The following ZBTB20 variants were observed in gnomAD, a reference collection of about 807,000 sequenced individuals.
ZBTB20 encodes zinc finger and BTB domain containing 20.
ZBTB20 carries 9 observed loss-of-function variants against 56.9 expected under a neutral mutation model. The ratio of observed to expected loss-of-function variants is 0.16; its 90% CI spans 0.10 to 0.28. The LOEUF is 0.28. Among genes scored for constraint, ZBTB20 ranks in the 10% least tolerant of loss-of-function variants. The pLI is 1.00. For missense variants in ZBTB20, 655 were observed against 1,003.0 expected (o/e 0.65, Z 4.69); for synonymous variants, 417 against 420.7 (o/e 0.99, Z 0.11).
intron 4 of ZBTB20, chr3:114,874,187 A>T (rs1019407029): frequency 1.3e-5 from 2 of 152,210 alleles, no homozygotes; most frequent in Non-Finnish European, 2.9e-5. Context: ...AATAACGTAT[A>T]CATTTGCTTA....
At chr3:114,763,310 A>G (rs1434518160) in intron 5 of ZBTB20, among the ~76,000 whole-genome samples, 1 of 152,232 alleles carries the variant, frequency 6.6e-6, no homozygotes, top group Non-Finnish European at 1.5e-5. Context: ...TCAGAAAACT[A>G]GTCATGGCTA....
In ZBTB20 at chr3:114,866,997, C is replaced by G. The variant is rs118153197; in HGVS notation, c.-417+33307G>C. ...GTTCCAATTCTCTGGAAACATAGTA[C>G]ATAGTTTCTGACACCCAGAAATAGT... is the stretch of plus-strand genomic sequence containing the variant. On this transcript the variant is annotated intron_variant, in intron 4 of 11. Coordinates refer to ENST00000675478, the MANE Select transcript of ZBTB20 (RefSeq NM_001348800.3). 2.6e-5 allele frequency among the ~76,000 whole-genome samples: 4 copies of G among 152,246 alleles called. No homozygotes were observed. The East Asian group carries it at 7.7e-4, about 29-fold the overall frequency.
chr3:114,698,616 T>C (rs1203200609), intron 5 of ZBTB20, among the ~76,000 whole-genome samples: 1 of 152,118 alleles, frequency 6.6e-6, no homozygotes, highest in Non-Finnish European at 1.5e-5. Context: ...AGAAGTTCTC[T>C]TTAGTAATCA....
intron 2 of ZBTB20, among the ~76,000 whole-genome samples, chr3:114,995,079 CATGAA>C (rs2078971234): frequency 6.6e-6 from 1 of 151,834 alleles, no homozygotes; most frequent in South Asian, 2.1e-4. Flanking sequence ...GCATGTGCTG[CATGAA>C]ATGAAATGAA....
intron 5 of ZBTB20, among the ~76,000 whole-genome samples, chr3:114,788,957 G>A (rs1465897964): frequency 1.3e-5 from 2 of 152,048 alleles, no homozygotes; most frequent in African/African-American, 4.8e-5. Flanking sequence ...TCACTATCAT[G>A]AGAACAGCAC....
intron 5 of ZBTB20, among the ~76,000 whole-genome samples, chr3:114,707,455 G>C (rs1041616532): frequency 5.3e-5 from 8 of 152,146 alleles, no homozygotes; most frequent in Admixed American, 2.0e-4. Context: ...GGAAGGCCCA[G>C]GTACACTGGC....
chr3:114,723,650 T>C (rs569431686), intron 5 of ZBTB20, among the ~76,000 whole-genome samples: 2 of 152,212 alleles, frequency 1.3e-5, no homozygotes, highest in South Asian at 2.1e-4. Context: ...AGATTTTATA[T>C]ATTCTTGAAC....
intron 2 of ZBTB20, among the ~76,000 whole-genome samples, chr3:115,022,407 C>T (rs745778022): frequency 2.0e-5 from 3 of 150,956 alleles, no homozygotes; most frequent in Non-Finnish European, 4.5e-5. Flanking sequence ...CTAAATATTG[C>T]ACAATGTGCG....
intron 6 of ZBTB20, among the ~76,000 whole-genome samples, chr3:114,510,912 C>G (rs2045292232): frequency 6.6e-6 from 1 of 151,852 alleles, no homozygotes; most frequent in Non-Finnish European, 1.5e-5. Flanking sequence ...TTTGAAGGAA[C>G]AGACTCATGT....
chr3:114,756,761 T>C (rs1019071530), intron 5 of ZBTB20, among the ~76,000 whole-genome samples: 2 of 152,160 alleles, frequency 1.3e-5, no homozygotes, highest in African/African-American at 2.4e-5. Flanking sequence ...CTAGTAAAAC[T>C]CAGGTAATGT....
intron 1 of ZBTB20, among the ~76,000 whole-genome samples, chr3:115,071,655 T>C (rs986126706): frequency 6.6e-6 from 1 of 152,158 alleles, no homozygotes; most frequent in Non-Finnish European, 1.5e-5. Flanking sequence ...AGTGCTTTAA[T>C]TGGATTCCTT....
chr3:115,145,707 T>C (rs1417453128), intron 1 of ZBTB20, among the ~76,000 whole-genome samples: 1 of 152,176 alleles, frequency 6.6e-6, no homozygotes, highest in East Asian at 1.9e-4. Context: ...GGGGGATCTA[T>C]ATAAATATTT....
intron 4 of ZBTB20, among the ~76,000 whole-genome samples, chr3:114,845,691 C>T (rs2074665450): frequency 6.6e-6 from 1 of 152,102 alleles, no homozygotes; most frequent in Non-Finnish European, 1.5e-5. Context: ...ATTAATTTTT[C>T]TAATAGGTCA....
At chr3:114,805,598 A>G (rs582653) in intron 4 of ZBTB20, among the ~76,000 whole-genome samples, 149,093 of 151,864 alleles carry the variant, frequency 0.98, 73,259 homozygotes, top group East Asian at 1. Flanking sequence ...GTTTTAATAA[A>G]CATAACAGTT....
chr3:114,673,938 C>T (rs2061495652), intron 6 of ZBTB20, among the ~76,000 whole-genome samples: 1 of 152,134 alleles, frequency 6.6e-6, no homozygotes, highest in African/African-American at 2.4e-5. Flanking sequence ...CCCACATACA[C>T]ACCCTAAGAA....
intron 7 of ZBTB20, among the ~76,000 whole-genome samples, chr3:114,451,588 A>G (rs1189496171): frequency 1.3e-5 from 2 of 152,102 alleles, no homozygotes; most frequent in African/African-American, 2.4e-5. Flanking sequence ...ACACATATGC[A>G]TGTGCGCACA....
At position 115,072,257 on chromosome 3, in the gene ZBTB20, G is replaced by T. The variant is rs140151683; in HGVS notation, c.-702-843C>A. Among the ~76,000 whole-genome samples, 162 of 152,214 alleles carry T rather than the reference G, an allele frequency of 1.1e-3. 1 individual carries two copies. Among genetic ancestry groups the T allele is most frequent in the African/African-American group, 3.7e-3 (153 of 41,544 alleles). On this transcript the variant is annotated intron_variant, in intron 1 of 11. Transcript: ENST00000675478. Reference sequence around the variant, plus strand: ...AGTTGAAGCTCTATATCACCCCAGAGTTTAAAACTGTATGGAAGAATAGGT... The same window carrying T: ...AGTTGAAGCTCTATATCACCCCAGATTTTAAAACTGTATGGAAGAATAGGT...
intron 6 of ZBTB20, among the ~76,000 whole-genome samples, chr3:114,611,412 C>T (rs2057541397): frequency 2.0e-5 from 3 of 152,148 alleles, no homozygotes; most frequent in Admixed American, 2.0e-4. Context: ...TGAGTTTATG[C>T]TCAAGCTGTC....
intron 4 of ZBTB20, among the ~76,000 whole-genome samples, chr3:114,842,461 T>C (rs2074423586): frequency 1.3e-5 from 2 of 152,168 alleles, no homozygotes; most frequent in Admixed American, 1.3e-4. Context: ...GTTATTAAGA[T>C]AATTTGTGGA....
Sources: gnomAD v4.1 joint callset for allele counts (sites outside exome capture counted in the v4.1 genomes callset) on GRCh38, gnomAD v4.1.1 for gene constraint, MANE v1.5 for transcripts, NCBI Gene and HGNC (gene_info 2026-07-23, HGNC 2026-07-21) for gene names.